The following EFTUD2 variants were observed in gnomAD, a reference collection of about 807,000 sequenced individuals.
EFTUD2 encodes 116 kDa U5 small nuclear ribonucleoprotein component.
A neutral mutation model predicts 114.3 loss-of-function variants in EFTUD2; 9 were observed. The observed-to-expected ratio is 0.08, with a 90% CI of 0.05 to 0.14. The LOEUF (loss-of-function observed/expected upper bound fraction) is 0.14, where lower values mean the gene tolerates loss of function less well. EFTUD2 is among the 10% of genes least tolerant of loss of function. EFTUD2 has a pLI of 1.00. For missense variants in EFTUD2, 765 were observed against 1,241.2 expected (o/e 0.62, Z 5.76); for synonymous variants, 449 against 462.3 (o/e 0.97, Z 0.37).
chr17:44,856,479 G>A (rs1219952728), intron 20 of EFTUD2, among the ~76,000 whole-genome samples: 1 of 150,458 alleles, frequency 6.6e-6, no homozygotes, highest in Admixed American at 6.6e-5. Flanking sequence ...ACAGTGAGGC[G>A]AGATCGTGCC....
chr17:44,892,838 T>C (rs1374400597), intron 2 of EFTUD2, among the ~76,000 whole-genome samples: 1 of 151,756 alleles, frequency 6.6e-6, no homozygotes, highest in East Asian at 1.9e-4. Flanking sequence ...GGTTTCACCA[T>C]GTTGGCCAGG....
chr17:44,881,701 A>G lies in EFTUD2; in HGVS notation c.514T>C (p.Phe172Leu), dbSNP rs1162328046. 6.2e-7 allele frequency: 1 copy of G among 1,614,206 alleles called. No homozygotes were observed. The highest frequency in any genetic ancestry group is 1.3e-5 in the African/African-American group (1 of 75,056). The change falls in exon 7 of 28, where the codon TTC becomes CTC. Residue 172 changes from phenylalanine (F) to leucine (L), a missense_variant. Physicochemically the swap from Phe to Leu is conservative, Grantham distance 22. Transcript: ENST00000426333. ...GGCATGCTTACCTCTTGCTCTGTGA[A>G]GAGGATGTCAGTATAGCACAGCTGA... ...DQDLCYTDIL[F>L]TEQERGVGIK...
In EFTUD2 at chr17:44,859,660, C is replaced by CAA. The variant is rs964975058; in HGVS notation, c.1860+243_1860+244dup. The CAA allele has an allele frequency of 6.7e-6, 4 of 600,404 alleles. No homozygotes were observed. The African/African-American group carries it at 7.4e-5, about 11-fold the overall frequency. 37.2% of individuals were successfully genotyped at this position (600,404 alleles called of 1,614,324 possible). A position where few individuals can be genotyped will look rare whatever the true frequency, so the allele number is the denominator to read the frequency against. ...AAATACGCACACACACACACACACACAACCTTGTCCTATACCCCCCATCAC... is the reference window on the plus strand; with the variant it reads ...AAATACGCACACACACACACACACACAAAACCTTGTCCTATACCCCCCATCAC... On this transcript the variant is annotated intron_variant, in intron 18 of 27. Coordinates refer to ENST00000426333, the MANE Select transcript of EFTUD2 (RefSeq NM_004247.4).
At chr17:44,860,583 G>T in intron 16 of EFTUD2, 40 bp from the exon 17 acceptor site, 32 of 1,124,228 alleles carry the variant, frequency 2.8e-5, no homozygotes, top group Non-Finnish European at 4.2e-5. Context: ...AACTTAGGCA[G>T]AGCATTCCCT....
chr17:44,860,092 C>A, intron 17 of EFTUD2, 47 bp from the exon 18 acceptor site: 1 of 1,613,716 alleles, frequency 6.2e-7, no homozygotes, highest in Non-Finnish European at 8.5e-7. Context: ...CATGAGCAGG[C>A]ACAGAAAGTG....
At chr17:44,878,358 A>C (rs969048903) in intron 9 of EFTUD2, among the ~76,000 whole-genome samples, 7 of 152,242 alleles carry the variant, frequency 4.6e-5, no homozygotes, top group Admixed American at 1.3e-4. Flanking sequence ...TGTACTCTTC[A>C]AAAGTGTCAA....
Position 44,850,452 on chromosome 17 carries a change from C to A in EFTUD2, c.*822G>T. On this transcript the variant is annotated 3_prime_UTR_variant, in exon 28 of 28. Transcript: ENST00000426333. Reference sequence around the variant, plus strand: ...CCCCTAACTCAATCCCTGGTACATTCCTAATAAAGCAGTTTTGAGGAAAAT... The same window carrying A: ...CCCCTAACTCAATCCCTGGTACATTACTAATAAAGCAGTTTTGAGGAAAAT... The A allele has an allele frequency of 1.5e-6, 2 of 1,311,874 alleles. No homozygotes were observed. The highest frequency in any genetic ancestry group is 2.2e-6 in the Non-Finnish European group (2 of 915,572). The allele number at this position is 1,311,874 out of a possible 1,614,324, so 81.3% of individuals were successfully genotyped here. A position where few individuals can be genotyped will look rare whatever the true frequency, so the allele number is the denominator to read the frequency against.
chr17:44,885,574 G>A (rs1046273663), intron 3 of EFTUD2, among the ~76,000 whole-genome samples: 1 of 152,118 alleles, frequency 6.6e-6, no homozygotes, highest in African/African-American at 2.4e-5. Flanking sequence ...TGGGAGGGAG[G>A]GAGGGGGAAT....
At chr17:44,860,372 T>C in intron 17 of EFTUD2, 60 bp downstream of exon 17, 2 of 1,176,450 alleles carry the variant, frequency 1.7e-6, no homozygotes, top group Non-Finnish European at 2.6e-6. Flanking sequence ...TTTGTGCTCA[T>C]GTGTGTCCCT....
intron 2 of EFTUD2, among the ~76,000 whole-genome samples, chr17:44,893,926 G>A (rs1351130368): frequency 6.6e-6 from 1 of 151,782 alleles, no homozygotes; most frequent in East Asian, 1.9e-4. Flanking sequence ...AACATTAGCC[G>A]GGCATGGTGG....
At chr17:44,891,149 AGACAAT>A (rs1191424722) in intron 2 of EFTUD2, among the ~76,000 whole-genome samples, 18 of 152,260 alleles carry the variant, frequency 1.2e-4, no homozygotes. Context: ...AGAACAATGC[AGACAAT>A]GATACCATTT....
intron 25 of EFTUD2, 103 bp from the exon 26 acceptor site, chr17:44,852,665 T>C (rs1216790734): frequency 1.0e-5 from 14 of 1,376,198 alleles, no homozygotes; most frequent in African/African-American, 1.4e-5. Context: ...AGCCCAGAGT[T>C]ACCATCAAAG....
At position 44,850,250 on chromosome 17, in the gene EFTUD2, G is replaced by A; in HGVS notation, c.*1024C>T. ...TGGACTCTCAAGGGAGCAGCTAGAG[G>A]TGAACCCCTAGGACGCCTGAGAGCC... On this transcript the variant is annotated 3_prime_UTR_variant, in exon 28 of 28. Coordinates refer to ENST00000426333, the MANE Select transcript of EFTUD2 (RefSeq NM_004247.4). 9.2e-7 allele frequency: 1 copy of A among 1,090,244 alleles called. No individual in the cohort carries two copies. Among genetic ancestry groups the A allele is most frequent in the Non-Finnish European group, 1.4e-6 (1 of 734,306 alleles). The allele number at this position is 1,090,244 out of a possible 1,614,324, so 67.5% of individuals were successfully genotyped here.
chr17:44,853,438 G>C lies in EFTUD2; in HGVS notation c.2467-48C>G, dbSNP rs372427193. On this transcript the variant is annotated intron_variant, in intron 24 of 27. Transcript: ENST00000426333. The stretch of plus-strand genomic sequence containing the variant: ...GCCCCTCAGCTTGGGGAAGGCTGGG[G>C]GCCTATAGTCCCACTTGCTCCTTCA... 2.5e-6 allele frequency: 4 copies of C among 1,612,800 alleles called. No homozygotes were observed. In the East Asian group the frequency reaches 8.9e-5, roughly 36 times the overall value.
Position 44,850,873 on chromosome 17 carries a change from G to A in EFTUD2, c.*401C>T. On this transcript the variant is annotated 3_prime_UTR_variant, in exon 28 of 28. Transcript: ENST00000426333. ...TATTCAGAATGTAAGCACCAGACGG[G>A]GCAGGGGAGACGAGGATGAAAGGAG... 4.1e-6 allele frequency: 1 copy of A among 245,492 alleles called. No homozygotes were observed. The highest frequency in any genetic ancestry group is 8.8e-5 in the East Asian group (1 of 11,372). 15.2% of individuals were successfully genotyped at this position (245,492 alleles called of 1,614,324 possible).
chr17:44,882,291 G>A (rs1042704664), intron 6 of EFTUD2, among the ~76,000 whole-genome samples: 21 of 151,736 alleles, frequency 1.4e-4, no homozygotes, highest in African/African-American at 4.1e-4. Flanking sequence ...TCACTCAGTC[G>A]CCCAGACTAG....
At chr17:44,853,690 C>T (rs1597788642) in intron 23 of EFTUD2, 55 bp from the exon 24 acceptor site, 1 of 1,599,642 alleles carries the variant, frequency 6.3e-7, no homozygotes, top group East Asian at 2.3e-5. Flanking sequence ...TGTCATGGGG[C>T]CATGGCAGAG....
chr17:44,860,297 G>T, intron 17 of EFTUD2, 135 bp downstream of exon 17: 2 of 761,766 alleles, frequency 2.6e-6, no homozygotes, highest in Non-Finnish European at 4.4e-6. Flanking sequence ...GGAGAATCCA[G>T]CAGGGTCATA....
At chr17:44,863,111 T>TC (rs1323102145) in intron 15 of EFTUD2, 6 of 409,458 alleles carry the variant, frequency 1.5e-5, no homozygotes, top group Non-Finnish European at 2.2e-5. Flanking sequence ...TTCTCCTCTT[T>TC]TTTTTTTTTT....
Sources: allele counts gnomAD v4.1 joint callset (sites outside exome capture counted in the v4.1 genomes callset), GRCh38; gene constraint gnomAD v4.1.1; transcripts MANE v1.5; gene names NCBI Gene and HGNC (gene_info 2026-07-23, HGNC 2026-07-21).